The following SAMD3 variants were observed in gnomAD, a reference collection of about 807,000 sequenced individuals.
The protein encoded by SAMD3 is sterile alpha motif domain-containing protein 3.
Under a neutral mutation model 58.5 loss-of-function variants are expected in SAMD3, and 63 were observed. That is an observed-to-expected ratio of 1.08 (90% CI 0.88 to 1.33). The LOEUF (loss-of-function observed/expected upper bound fraction) is 1.33. Ranked by LOEUF, SAMD3 falls within the 40% of genes most tolerant of loss-of-function variation. The pLI, the probability that SAMD3 is intolerant of heterozygous loss-of-function variation, is 0.00. For synonymous variants in SAMD3, 220 were observed against 210.3 expected, an observed-to-expected ratio of 1.05 and a Z score of -0.40; for missense variants, 604 against 608.4, an observed-to-expected ratio of 0.99 and a Z score of 0.08.
chr6:130,265,914 A>G (rs559255826), intron 2 of SAMD3, among the ~76,000 whole-genome samples: 1 of 152,338 alleles, frequency 6.6e-6, no homozygotes, highest in South Asian at 2.1e-4. Flanking sequence ...TCATAAATTA[A>G]GACTGTGTAA....
intron 1 of SAMD3, among the ~76,000 whole-genome samples, chr6:130,332,439 C>T (rs1274945865): frequency 6.6e-6 from 1 of 152,012 alleles, no homozygotes; most frequent in Non-Finnish European, 1.5e-5. Flanking sequence ...CCTGGTCAGT[C>T]CAATAGTTAG....
chr6:130,178,147 TGTATTTTTA>T (rs149572474), intron 7 of SAMD3, among the ~76,000 whole-genome samples: 7,783 of 152,192 alleles, frequency 0.051, 267 homozygotes, highest in Non-Finnish European at 0.078. Flanking sequence ...GCTAATTTTT[TGTATTTTTA>T]GTAGAGACGA....
chr6:130,300,705 A>G (rs2114974607), intron 2 of SAMD3, among the ~76,000 whole-genome samples: 1 of 152,340 alleles, frequency 6.6e-6, no homozygotes. Context: ...TTCTCTGATG[A>G]CATGATTCTA....
chr6:130,358,582 T>C (rs1017130886), intron 1 of SAMD3, among the ~76,000 whole-genome samples: 31 of 152,096 alleles, frequency 2.0e-4, no homozygotes, highest in African/African-American at 7.5e-4. Flanking sequence ...AACTGTTCAT[T>C]ATCAAAATAA....
intron 5 of SAMD3, among the ~76,000 whole-genome samples, chr6:130,193,425 G>A (rs564329828): frequency 1.9e-4 from 29 of 151,240 alleles, no homozygotes; most frequent in Middle Eastern, 6.8e-3. Context: ...TTATCTCTGC[G>A]CCCTGATCCC....
intron 1 of SAMD3, among the ~76,000 whole-genome samples, chr6:130,354,330 A>G (rs770724387): frequency 6.6e-6 from 1 of 152,188 alleles, no homozygotes; most frequent in Non-Finnish European, 1.5e-5. Flanking sequence ...CTGAGTATAT[A>G]CCCAAAGTAA....
At chr6:130,318,515 A>G (rs909469419) in intron 1 of SAMD3, among the ~76,000 whole-genome samples, 1 of 148,152 alleles carries the variant, frequency 6.7e-6, no homozygotes, top group Admixed American at 6.7e-5. Flanking sequence ...TGCAACCTCT[A>G]CCTCCTGAGT....
intron 2 of SAMD3, among the ~76,000 whole-genome samples, chr6:130,244,413 T>C (rs1469614117): frequency 6.6e-6 from 1 of 152,172 alleles, no homozygotes; most frequent in Non-Finnish European, 1.5e-5. Flanking sequence ...AAGTACTTAA[T>C]ATTTCTGTGA....
At chr6:130,150,859 G>A (rs368480885) in intron 9 of SAMD3, among the ~76,000 whole-genome samples, 217 of 151,930 alleles carry the variant, frequency 1.4e-3, no homozygotes, top group African/African-American at 4.4e-3. Flanking sequence ...TTACAGGTGT[G>A]TGCCACCACA....
chr6:130,280,280 T>G (rs1774934852), intron 2 of SAMD3, among the ~76,000 whole-genome samples: 1 of 152,238 alleles, frequency 6.6e-6, no homozygotes, highest in African/African-American at 2.4e-5. Context: ...CTTGCAGGTC[T>G]TTCTTGTGGT....
intron 9 of SAMD3, among the ~76,000 whole-genome samples, chr6:130,153,662 A>ATATTTATT (rs1342656598): frequency 2.3e-5 from 3 of 131,264 alleles, no homozygotes; most frequent in African/African-American, 8.3e-5. Flanking sequence ...ATATATATAT[A>ATATTTATT]TATTTATTTA....
chr6:130,216,075 T>A (rs543370506), intron 2 of SAMD3: 83 of 342,538 alleles, frequency 2.4e-4, no homozygotes, highest in African/African-American at 2.1e-3. Context: ...ATGTTAATAA[T>A]TATCGTGAAA....
chr6:130,162,681 T>C (rs1447891865), intron 8 of SAMD3, among the ~76,000 whole-genome samples: 5 of 152,092 alleles, frequency 3.3e-5, no homozygotes, highest in African/African-American at 1.2e-4. Flanking sequence ...AAATCTACTT[T>C]AAAGGCACTA....
At chr6:130,164,950 T>C (rs1311253119) in intron 8 of SAMD3, among the ~76,000 whole-genome samples, 1 of 152,040 alleles carries the variant, frequency 6.6e-6, no homozygotes. Context: ...ATTATAAACT[T>C]ATATACACCT....
intron 9 of SAMD3, among the ~76,000 whole-genome samples, chr6:130,153,697 A>G (rs189490094): frequency 2.2e-4 from 25 of 113,170 alleles, no homozygotes; most frequent in African/African-American, 7.1e-4. Flanking sequence ...AAAATTTGAG[A>G]CAGGGTCTCA....
chr6:130,301,318 A>G lies in SAMD3; in HGVS notation c.-188+11660T>C, dbSNP rs535573698. 7.4e-4 allele frequency among the ~76,000 whole-genome samples: 112 copies of G among 152,318 alleles called. 1 individual carries two copies. Among genetic ancestry groups the G allele is most frequent in the African/African-American group, 2.4e-3 (100 of 41,568 alleles). On this transcript the variant is annotated intron_variant, in intron 2 of 13. Transcript: ENST00000368134. ...AAGCTGAAAACCAAATTGAGAACTC[A>G]ATCCCATTTACAATAGCCAAACAAA...
At chr6:130,293,046 T>A (rs1269669108) in intron 2 of SAMD3, among the ~76,000 whole-genome samples, 1 of 152,266 alleles carries the variant, frequency 6.6e-6, no homozygotes, top group African/African-American at 2.4e-5. Context: ...TCTAAGTTAC[T>A]GCTTTCTCCT....
intron 7 of SAMD3, among the ~76,000 whole-genome samples, chr6:130,177,744 C>G (rs1791865451): frequency 6.6e-6 from 1 of 151,942 alleles, no homozygotes; most frequent in Non-Finnish European, 1.5e-5. Flanking sequence ...CACTTCCTTC[C>G]TTCCTTCCTT....
chr6:130,286,443 A>C (rs58840208), intron 2 of SAMD3, among the ~76,000 whole-genome samples: 1 of 152,220 alleles, frequency 6.6e-6, no homozygotes, highest in African/African-American at 2.4e-5. Context: ...GTTACGGCAC[A>C]GTTCCTTTCT....
Sources: gnomAD v4.1 joint callset for allele counts (sites outside exome capture counted in the v4.1 genomes callset) on GRCh38, gnomAD v4.1.1 for gene constraint, MANE v1.5 for transcripts, NCBI Gene and HGNC (gene_info 2026-07-23, HGNC 2026-07-21) for gene names.